Variants in PLD5 observed in about 807,000 individuals in gnomAD.
PLD5 encodes phospholipase D family member 5, also known as inactive phospholipase D5.
Under a neutral mutation model 61.1 loss-of-function variants are expected in PLD5, and 36 were observed. That is an observed-to-expected ratio of 0.59 (90% CI 0.45 to 0.78). PLD5 has a LOEUF of 0.78. Among genes scored for constraint, PLD5 ranks in the 30% least tolerant of loss-of-function variants. PLD5 has a pLI of 0.00. For missense variants in PLD5, 515 were observed against 644.4 expected, an observed-to-expected ratio of 0.80 and a Z score of 2.17; for synonymous variants, 243 against 242.8, an observed-to-expected ratio of 1.00 and a Z score of -0.01.
chr1:242,300,255 A>G (rs1262200596), intron 2 of PLD5, among the ~76,000 whole-genome samples: 3 of 152,168 alleles, frequency 2.0e-5, no homozygotes, highest in Non-Finnish European at 4.4e-5. Context: ...CCTGGTCAAC[A>G]TGGTGAAACC....
intron 5 of PLD5, among the ~76,000 whole-genome samples, chr1:242,161,231 C>T (rs1042904673): frequency 6.6e-6 from 1 of 152,034 alleles, no homozygotes; most frequent in Non-Finnish European, 1.5e-5. Flanking sequence ...ACAATCATGG[C>T]ACAAGGCAGA....
chr1:242,164,564 A>G (rs948301761), intron 5 of PLD5, among the ~76,000 whole-genome samples: 5 of 152,208 alleles, frequency 3.3e-5, no homozygotes, highest in African/African-American at 1.2e-4. Context: ...TTGAAATGCA[A>G]TAATGTTATT....
At chr1:242,212,250 A>G (rs1475377430) in intron 5 of PLD5, among the ~76,000 whole-genome samples, 4 of 152,244 alleles carry the variant, frequency 2.6e-5, no homozygotes, top group Non-Finnish European at 5.9e-5. Flanking sequence ...GACAGGGGAT[A>G]TGCTACAGCG....
chr1:242,395,272 G>A (rs1408916117), intron 1 of PLD5, among the ~76,000 whole-genome samples: 1 of 151,850 alleles, frequency 6.6e-6, no homozygotes, highest in Non-Finnish European at 1.5e-5. Flanking sequence ...TTGACACTTA[G>A]GTACTACGCC....
At chr1:242,510,718 G>A (rs963780077) in intron 1 of PLD5, among the ~76,000 whole-genome samples, 3 of 151,950 alleles carry the variant, frequency 2.0e-5, no homozygotes, top group Non-Finnish European at 4.4e-5. Context: ...GGTGGCAGGC[G>A]CCTGTAGTCC....
chr1:242,526,217 T>C (rs141353768), upstream of PLD5, among the ~76,000 whole-genome samples: 1,219 of 152,158 alleles, frequency 8.0e-3, 16 homozygotes, highest in African/African-American at 0.027. Context: ...AGCCTGGGCC[T>C]ACACTAAAAA....
chr1:242,096,798 G>A (rs1345378046), intron 9 of PLD5, among the ~76,000 whole-genome samples: 1 of 151,472 alleles, frequency 6.6e-6, no homozygotes, highest in Non-Finnish European at 1.5e-5. Flanking sequence ...CAACGTGCAG[G>A]TTTGTTACAT....
chr1:242,371,593 C>T (rs1661635632), intron 1 of PLD5, among the ~76,000 whole-genome samples: 1 of 152,074 alleles, frequency 6.6e-6, no homozygotes, highest in Non-Finnish European at 1.5e-5. Context: ...TCCAAACCCA[C>T]CATTGCTCTT....
At position 242,084,767 on chromosome 1, in the gene PLD5, T is replaced by C. The variant is rs1659380037; in HGVS notation, c.*5087A>G. 1 of 147,414 alleles carries C rather than the reference T, an allele frequency of 6.8e-6. No homozygotes were observed. The highest frequency in any genetic ancestry group is 2.5e-5 in the African/African-American group (1 of 39,748). 9.1% of individuals were successfully genotyped at this position (147,414 alleles called of 1,614,324 possible). ...TTGGAAAGGTTTTTTTTTTTTTTTTTTTTTTTTTTTTAGAGAAAGAGATAG... is the reference window on the plus strand; with the variant it reads ...TTGGAAAGGTTTTTTTTTTTTTTTTCTTTTTTTTTTTAGAGAAAGAGATAG... On this transcript the variant is annotated 3_prime_UTR_variant, in exon 10 of 10. Transcript: ENST00000536534.
chr1:242,283,374 G>A (rs576394257), intron 3 of PLD5, among the ~76,000 whole-genome samples: 31 of 152,296 alleles, frequency 2.0e-4, no homozygotes, highest in Admixed American at 3.9e-4. Context: ...CACTGGCTAC[G>A]TGGTTTCTTG....
intron 1 of PLD5, among the ~76,000 whole-genome samples, chr1:242,489,009 T>C (rs1214006878): frequency 2.0e-5 from 3 of 152,180 alleles, no homozygotes; most frequent in Non-Finnish European, 2.9e-5. Context: ...TTTGAGGAAG[T>C]AAATCTCTGT....
intron 5 of PLD5, among the ~76,000 whole-genome samples, chr1:242,152,922 G>C (rs926994616): frequency 6.6e-6 from 1 of 152,262 alleles, no homozygotes; most frequent in African/African-American, 2.4e-5. Flanking sequence ...GATCCTTGAG[G>C]AATCGCCACA....
chr1:242,517,068 TG>T (rs1037323400), intron 1 of PLD5, among the ~76,000 whole-genome samples: 1 of 149,390 alleles, frequency 6.7e-6, no homozygotes, highest in African/African-American at 2.6e-5. Flanking sequence ...ATAAATCCAG[TG>T]ACAGTATTAA....
At chr1:242,388,288 G>T (rs1408262614) in intron 1 of PLD5, among the ~76,000 whole-genome samples, 2 of 152,174 alleles carry the variant, frequency 1.3e-5, no homozygotes, top group African/African-American at 4.8e-5. Flanking sequence ...TAGGAGGATG[G>T]CTGTGCCGTG....
At chr1:242,399,932 G>A (rs1213509758) in intron 1 of PLD5, among the ~76,000 whole-genome samples, 1 of 152,174 alleles carries the variant, frequency 6.6e-6, no homozygotes, top group Non-Finnish European at 1.5e-5. Flanking sequence ...ACTTTGGGAG[G>A]CTGAGGATGG....
At chr1:242,426,309 T>TAAAAAAAAAAA (rs56996310) in intron 1 of PLD5, among the ~76,000 whole-genome samples, 1 of 120,064 alleles carries the variant, frequency 8.3e-6, no homozygotes, top group Non-Finnish European at 1.7e-5. Context: ...CGTTTCCAGT[T>TAAAAAAAAAAA]AAAAAAAAAA....
intron 1 of PLD5, chr1:242,377,234 C>T (rs923577815): frequency 3.6e-5 from 58 of 1,611,048 alleles, no homozygotes; most frequent in South Asian, 4.4e-5. Flanking sequence ...AAGAACCATC[C>T]GATTTGTGCT....
chr1:242,520,376 C>A (rs752588480), intron 1 of PLD5, among the ~76,000 whole-genome samples: 1 of 152,162 alleles, frequency 6.6e-6, no homozygotes, highest in Non-Finnish European at 1.5e-5. Context: ...CGTTCCTGCA[C>A]TACAGACATG....
intron 5 of PLD5, among the ~76,000 whole-genome samples, chr1:242,198,686 C>G (rs4356033): frequency 9.8e-6 from 1 of 102,216 alleles, no homozygotes; most frequent in Non-Finnish European, 1.8e-5. Flanking sequence ...CCACTGGATT[C>G]TGAAAAGTCC....
Sources: allele counts gnomAD v4.1 joint callset (sites outside exome capture counted in the v4.1 genomes callset), GRCh38; gene constraint gnomAD v4.1.1; transcripts MANE v1.5; gene names NCBI Gene and HGNC (gene_info 2026-07-23, HGNC 2026-07-21).